PRH1: variants seen among roughly 807,000 people sequenced by gnomAD.
The protein encoded by PRH1 is proline rich protein HaeIII subfamily 1.
PRH1 carries 7 observed loss-of-function variants against 7.9 expected under a neutral mutation model. The observed-to-expected ratio is 0.89, with a 90% CI of 0.50 to 1.67. The LOEUF (loss-of-function observed/expected upper bound fraction) is 1.67, where lower values mean the gene tolerates loss of function less well. PRH1 is among the 40% of genes most tolerant of loss of function. The pLI is 0.00. For synonymous variants in PRH1, 45 were observed against 80.8 expected (o/e 0.56, Z 2.38); for missense variants, 109 against 223.6 (o/e 0.49, Z 3.27).
chr12:10,988,610 G>A (rs1939767572), intron 1 of PRH1, among the ~76,000 whole-genome samples: 1 of 151,974 alleles, frequency 6.6e-6, no homozygotes, highest in Non-Finnish European at 1.5e-5. Flanking sequence ...CAATTATAAT[G>A]CACACTTAGA....
chr12:11,051,293 G>A (rs1232886506), upstream of PRH1, among the ~76,000 whole-genome samples: 1 of 151,984 alleles, frequency 6.6e-6, no homozygotes, highest in East Asian at 1.9e-4. Flanking sequence ...CAAATTTTCA[G>A]TAGTCACAAC....
At chr12:10,979,059 A>G (rs991620701) in intron 1 of PRH1, among the ~76,000 whole-genome samples, 17 of 152,168 alleles carry the variant, frequency 1.1e-4, no homozygotes, top group African/African-American at 4.1e-4. Flanking sequence ...TTAAATACAT[A>G]TGGACACAAA....
chr12:11,159,639 A>G (rs1947355919), intron 1 of PRH1: 1 of 152,114 alleles, frequency 6.6e-6, no homozygotes, highest in South Asian at 2.1e-4. Context: ...CAGCATTCCT[A>G]AGACAAGTCC....
chr12:11,030,913 A>T, intron 1 of PRH1: 1 of 1,608,702 alleles, frequency 6.2e-7, no homozygotes. Context: ...AAAGTTGACA[A>T]GCCAAAAATA....
chr12:11,013,537 T>C (rs1266472672), intron 1 of PRH1, among the ~76,000 whole-genome samples: 2 of 152,128 alleles, frequency 1.3e-5, no homozygotes, highest in East Asian at 3.9e-4. Context: ...TTGCAAGTAA[T>C]ACAAGTGGGT....
intron 2 of PRH1, among the ~76,000 whole-genome samples, chr12:10,934,472 T>A (rs1481272373): frequency 6.6e-6 from 1 of 152,136 alleles, no homozygotes; most frequent in Non-Finnish European, 1.5e-5. Flanking sequence ...ATATATTTAT[T>A]ATTATAATGA....
chr12:11,135,414 T>G (rs1032580289), intron 1 of PRH1, among the ~76,000 whole-genome samples: 8 of 152,226 alleles, frequency 5.3e-5, no homozygotes, highest in African/African-American at 1.9e-4. Context: ...TGAAGGCAGA[T>G]TGCCCCCCAC....
intron 1 of PRH1, among the ~76,000 whole-genome samples, chr12:11,138,408 A>G (rs1428729917): frequency 6.6e-6 from 1 of 152,208 alleles, no homozygotes; most frequent in Non-Finnish European, 1.5e-5. Context: ...CTAATGCAGA[A>G]CCAAAAAATA....
chr12:10,935,486 C>T (rs965562670), intron 2 of PRH1, among the ~76,000 whole-genome samples: 1 of 152,152 alleles, frequency 6.6e-6, no homozygotes, highest in Non-Finnish European at 1.5e-5. Context: ...CACACAGCAG[C>T]CTCTTTGTTA....
At chr12:11,055,593 G>C (rs199822720) in intron 1 of PRH1, among the ~76,000 whole-genome samples, 1 of 116,040 alleles carries the variant, frequency 8.6e-6, no homozygotes, top group Admixed American at 9.2e-5. Flanking sequence ...CTATTCAAAT[G>C]CTGTGACCTT....
At chr12:11,067,653 G>C (rs577129036) in intron 1 of PRH1, among the ~76,000 whole-genome samples, 2 of 152,306 alleles carry the variant, frequency 1.3e-5, no homozygotes, top group South Asian at 4.1e-4. Context: ...CCTGAGCACA[G>C]GAGTTCAAGT....
downstream of PRH1, among the ~76,000 whole-genome samples, chr12:11,117,751 C>T (rs1377024380): frequency 6.6e-6 from 1 of 152,116 alleles, no homozygotes; most frequent in Non-Finnish European, 1.5e-5. Context: ...ACAGACAACT[C>T]GGAAACAAAC....
chr12:11,088,081 CTG>C (rs1944766801), intron 1 of PRH1, among the ~76,000 whole-genome samples: 1 of 128,530 alleles, frequency 7.8e-6, no homozygotes, highest in South Asian at 2.2e-4. Context: ...TGGCACATGA[CTG>C]TAATGCCATC....
At chr12:11,136,664 C>T (rs1284124556) in intron 1 of PRH1, among the ~76,000 whole-genome samples, 1 of 152,132 alleles carries the variant, frequency 6.6e-6, no homozygotes, top group Non-Finnish European at 1.5e-5. Context: ...CATTCATTTA[C>T]AATTATGCAC....
intron 1 of PRH1, chr12:10,996,514 C>T (rs1272743370): frequency 6.5e-6 from 1 of 152,710 alleles, no homozygotes; most frequent in Non-Finnish European, 1.5e-5. Flanking sequence ...CGAAAAACAG[C>T]AATGATTTTA....
chr12:11,107,445 G>C (rs1209803087), intron 1 of PRH1, among the ~76,000 whole-genome samples: 1 of 152,214 alleles, frequency 6.6e-6, no homozygotes, highest in Non-Finnish European at 1.5e-5. Context: ...CAGCTGAACT[G>C]AAATCCAGCA....
At chr12:10,912,771 T>C (rs1949918496) in intron 2 of PRH1, among the ~76,000 whole-genome samples, 1 of 152,166 alleles carries the variant, frequency 6.6e-6, no homozygotes, top group Admixed American at 6.5e-5. Context: ...TATGTTCGAG[T>C]TTCCATTTAC....
chr12:10,981,595 G>C (rs751309096), intron 1 of PRH1, among the ~76,000 whole-genome samples: 1 of 151,922 alleles, frequency 6.6e-6, no homozygotes, highest in African/African-American at 2.4e-5. Context: ...GGCTGATCTC[G>C]AACTCCTGAC....
chr12:11,149,009 T>A (rs894019285), intron 1 of PRH1, among the ~76,000 whole-genome samples: 18 of 150,686 alleles, frequency 1.2e-4, no homozygotes, highest in Non-Finnish European at 2.2e-4. Flanking sequence ...CCTGGTTTAG[T>A]CTTGGGAGAG....
Sources: allele counts gnomAD v4.1 joint callset (sites outside exome capture counted in the v4.1 genomes callset), GRCh38; gene constraint gnomAD v4.1.1; transcripts MANE v1.5; gene names NCBI Gene and HGNC (gene_info 2026-07-23, HGNC 2026-07-21).